EXOC3: variants seen among roughly 807,000 people sequenced by gnomAD.
The protein encoded by EXOC3 is SEC6-like 1.
In EXOC3, 21 loss-of-function variants were observed where a neutral mutation model predicts 73.7. The observed-to-expected ratio is 0.29, with a 90% CI of 0.20 to 0.41. EXOC3 has a LOEUF of 0.41. EXOC3 is among the 10% of genes least tolerant of loss of function. The pLI, the probability that EXOC3 is intolerant of heterozygous loss-of-function variation, is 1.00. For synonymous variants in EXOC3, 410 were observed against 389.1 expected (o/e 1.05, Z -0.63); for missense variants, 842 against 985.1 (o/e 0.85, Z 1.95).
intron 9 of EXOC3, chr5:462,673 G>A (rs891617556): frequency 9.5e-6 from 2 of 211,070 alleles, no homozygotes; most frequent in South Asian, 1.3e-4. Flanking sequence ...AGGTACACAC[G>A]CAAAAATCAT....
intron 7 of EXOC3, chr5:461,758 T>C: frequency 1.8e-6 from 1 of 564,368 alleles, no homozygotes; most frequent in East Asian, 2.9e-5. Context: ...TGAGGTGAAG[T>C]TATTTTTTGA....
At chr5:458,606 G>A (rs1310132914) in intron 6 of EXOC3, among the ~76,000 whole-genome samples, 1 of 152,192 alleles carries the variant, frequency 6.6e-6, no homozygotes, top group Non-Finnish European at 1.5e-5. Flanking sequence ...CAACGCCCAA[G>A]CCTCACTAGG....
intron 2 of EXOC3, among the ~76,000 whole-genome samples, chr5:446,584 C>G (rs1489073571): frequency 6.6e-6 from 1 of 152,168 alleles, no homozygotes; most frequent in East Asian, 1.9e-4. Flanking sequence ...AGGCCGGGTG[C>G]GGTGACTCAT....
chr5:446,271 C>G lies in EXOC3; in HGVS notation c.66C>G (p.Arg22=), dbSNP rs758967309. 11 of 1,613,736 alleles carry G rather than the reference C, an allele frequency of 6.8e-6. No homozygotes were observed. The East Asian group carries it at 2.0e-4, about 29-fold the overall frequency. ...AAAGGGTTGCTGGGATGCTCCAGCG[C>G]CCGGACCAGCTGGACAAGGTGGAGC... ...AVQRVAGMLQ[R]PDQLDKVEQY... is the part of the protein sequence containing the mutation. Residue 22 remains arginine (R), a synonymous_variant, in exon 2 of 13, where the codon CGC becomes CGG. Transcript: ENST00000512944.
At position 457,987 on chromosome 5, in the gene EXOC3, G is replaced by C. The variant is rs1261712904; in HGVS notation, c.1252G>C (p.Gly418Arg). ...GACAGAGCCAGAAGCCGACCAGGAC[G>C]GGTACTACCAGACCACACTCCCTGC... ...KETEPEADQD[G>R]YYQTTLPAIV... The change falls in exon 6 of 13, where the codon GGG becomes CGG. Residue 418 changes from glycine to arginine, a missense_variant. Transcript: ENST00000512944. The C allele has an allele frequency of 6.2e-7, 1 of 1,612,642 alleles. No homozygotes were observed. The highest frequency in any genetic ancestry group is 8.5e-7 in the Non-Finnish European group (1 of 1,179,308).
chr5:463,910 T>C lies in EXOC3; in HGVS notation c.1654-380T>C, dbSNP rs186395619. Among the ~76,000 whole-genome samples, 29 of 152,388 alleles carry C rather than the reference T, an allele frequency of 1.9e-4. No individual in the cohort carries two copies. The East Asian group carries it at 5.4e-3, about 28-fold the overall frequency. ...CACAGATATTTCCATCTTTAACATG[T>C]CATTTTGGGAAGCTCATCACAGAAA... On this transcript the variant is annotated intron_variant, in intron 9 of 12. Transcript: ENST00000512944.
At chr5:443,369 C>T (rs1286405706) in intron 1 of EXOC3, 79 bp downstream of exon 1, 1 of 153,004 alleles carries the variant, frequency 6.5e-6, no homozygotes, top group Admixed American at 6.5e-5. Flanking sequence ...CTCCCTGTCT[C>T]TGGCTTCCGC....
In EXOC3 at chr5:465,229, G is replaced by T; in HGVS notation, c.1895G>T (p.Arg632Met). 6.3e-7 allele frequency: 1 copy of T among 1,592,670 alleles called. No individual in the cohort carries two copies. The highest frequency in any genetic ancestry group is 8.5e-7 in the Non-Finnish European group (1 of 1,170,016). Reference protein sequence around the residue: ...ERKEGAEKMVREAEQLRFLFR... With the variant: ...ERKEGAEKMVMEAEQLRFLFR... Reference sequence around the variant, plus strand: ...AAGGAGGGTGCCGAGAAGATGGTTAGGGAGGCAGAGCAGCTGCGCTTCCTG... The same window carrying T: ...AAGGAGGGTGCCGAGAAGATGGTTATGGAGGCAGAGCAGCTGCGCTTCCTG... Residue 632 changes from arginine (R) to methionine (M), a missense_variant, in exon 11 of 13, where the codon AGG becomes ATG. Arg to Met is a moderately conservative substitution (Grantham distance 91). Transcript: ENST00000512944.
At chr5:453,297 C>A in intron 3 of EXOC3, 73 bp from the exon 4 acceptor site, 1 of 1,199,294 alleles carries the variant, frequency 8.3e-7, no homozygotes, top group Non-Finnish European at 1.2e-6. Flanking sequence ...TGCCGTGTTC[C>A]CAGAACACCG....
rs1737999056 is a variant in EXOC3 at position 461,973 on chromosome 5, G to A, written c.1405G>A (p.Ala469Thr). 6.3e-7 allele frequency: 1 copy of A among 1,592,094 alleles called. No homozygotes were observed. Among genetic ancestry groups the A allele is most frequent in the East Asian group, 2.3e-5 (1 of 43,738 alleles). ...GTCTGTCCTCAGATATAAAGATGAA[G>A]CGCAGCTGTATAAAGAAGAGCACCT... ...NSFLSRYKDE[A>T]QLYKEEHLRN... The change falls in exon 8 of 13, where the codon GCG (alanine) becomes ACG (threonine). Residue 469 changes from alanine to threonine, a missense_variant. Ala to Thr is a moderately conservative substitution (Grantham distance 58). Transcript: ENST00000512944.
At chr5:449,796 TAC>T (rs996790516) in intron 3 of EXOC3, among the ~76,000 whole-genome samples, 4 of 152,262 alleles carry the variant, frequency 2.6e-5, no homozygotes, top group Non-Finnish European at 5.9e-5. Flanking sequence ...TTCTGGTATA[TAC>T]ACACAAGTGT....
intron 1 of EXOC3, chr5:444,811 T>TCGTGAGATTTAAGGGGAGTTGCCCCTGAG: frequency 6.6e-6 from 1 of 151,870 alleles, no homozygotes; most frequent in African/African-American, 2.4e-5. Context: ...TGTCCCTGGA[T>TCGTGAGATTTAAGGGGAGTTGCCCCTGAG]TGTGAGATTT....
In EXOC3 at chr5:462,118, G is replaced by T. The variant is rs771617010; in HGVS notation, c.1503-39G>T. Reference sequence around the variant, plus strand: ...GCGGGGGAGCGGTGGAGGCCGGCCTGCCCAGCCGCTGTGTTGAACCTGAAC... The same window carrying T: ...GCGGGGGAGCGGTGGAGGCCGGCCTTCCCAGCCGCTGTGTTGAACCTGAAC... On this transcript the variant is annotated intron_variant, in intron 8 of 12. Transcript: ENST00000512944. 14 of 1,608,142 alleles carry T rather than the reference G, an allele frequency of 8.7e-6. No individual in the cohort carries two copies. In the African/African-American group the frequency reaches 1.7e-4, roughly 20 times the overall value.
At chr5:461,186 T>A (rs1488538264) in intron 7 of EXOC3, among the ~76,000 whole-genome samples, 1 of 152,230 alleles carries the variant, frequency 6.6e-6, no homozygotes, top group Non-Finnish European at 1.5e-5. Context: ...AATAAGATAA[T>A]GCTTTCCCAA....
intron 12 of EXOC3, 65 bp from the exon 13 acceptor site, chr5:466,662 C>A: frequency 6.6e-7 from 1 of 1,513,470 alleles, no homozygotes. Context: ...AGCCGTGAGT[C>A]CCTGGCAGCG....
chr5:459,542 CT>C lies in EXOC3; in HGVS notation c.1391+84del, dbSNP rs1737922038. ...CAAAAATTTTTTGATCCTACTATGC[CT>C]GTTACTAAGAAGAAATTAAGCCGGT... On this transcript the variant is annotated intron_variant, in intron 7 of 12. Coordinates refer to ENST00000512944, the MANE Select transcript of EXOC3 (RefSeq NM_007277.5). 3 of 626,970 alleles carry C rather than the reference CT, an allele frequency of 4.8e-6. No homozygotes were observed. The South Asian group carries it at 6.4e-5, about 13-fold the overall frequency. 38.8% of individuals were successfully genotyped at this position (626,970 alleles called of 1,614,324 possible). A position where few individuals can be genotyped will look rare whatever the true frequency, so the allele number is the denominator to read the frequency against.
intron 3 of EXOC3, among the ~76,000 whole-genome samples, chr5:449,369 T>C (rs554285966): frequency 6.6e-6 from 1 of 152,354 alleles, no homozygotes; most frequent in South Asian, 2.1e-4. Flanking sequence ...ATTCATATTG[T>C]TGTGCAACCA....
intron 4 of EXOC3, among the ~76,000 whole-genome samples, chr5:456,247 A>G (rs908510641): frequency 5.3e-5 from 8 of 152,204 alleles, no homozygotes; most frequent in Non-Finnish European, 7.3e-5. Flanking sequence ...AATCATTTCT[A>G]GATTACTTAT....
chr5:446,047 A>G, intron 1 of EXOC3, 103 bp from the exon 2 acceptor site: 3 of 759,874 alleles, frequency 3.9e-6, no homozygotes, highest in Non-Finnish European at 6.6e-6. Context: ...GGTTTCCTGG[A>G]TTAATGATCT....
Sources: allele counts gnomAD v4.1 joint callset (sites outside exome capture counted in the v4.1 genomes callset), GRCh38; gene constraint gnomAD v4.1.1; transcripts MANE v1.5; gene names NCBI Gene and HGNC (gene_info 2026-07-23, HGNC 2026-07-21).